Variants in WDPCP observed in about 807,000 individuals in gnomAD.
WDPCP encodes WD repeat-containing and planar cell polarity effector protein fritz homolog.
Under a neutral mutation model 93.1 loss-of-function variants are expected in WDPCP, and 71 were observed. That is an observed-to-expected ratio of 0.76 (90% confidence interval 0.63 to 0.93). The LOEUF (loss-of-function observed/expected upper bound fraction) is 0.93. Among genes scored for constraint, WDPCP ranks in the 40% least tolerant of loss-of-function variants. The pLI is 0.00. For synonymous variants in WDPCP, 315 were observed against 315.0 expected (o/e 1.00, Z 0.00); for missense variants, 844 against 887.4 (o/e 0.95, Z 0.62).
chr2:63,467,196 C>G (rs1438733441), intron 6 of WDPCP, among the ~76,000 whole-genome samples: 2 of 152,110 alleles, frequency 1.3e-5, no homozygotes, highest in Non-Finnish European at 2.9e-5. Flanking sequence ...AAAATTTTGT[C>G]CAAGGTCCAG....
rs1214552174 is a variant in WDPCP, at chr2:63,723,754, A to C, written n.309-72916T>G. Among the ~76,000 whole-genome samples the C allele has an allele frequency of 3.9e-5, 6 of 152,246 alleles. No homozygotes were observed. In the East Asian group the frequency reaches 1.2e-3, roughly 29 times the overall value. On this transcript the variant is annotated intron_variant and non_coding_transcript_variant, in intron 2 of 4. Transcript: ENST00000467687. ...TCTTAGCACATCTCCAAGAAAGCTG[A>C]GGCAACATGGATTATAAATCCTTAT... is the stretch of plus-strand genomic sequence containing the variant.
At chr2:63,744,445 A>G (rs1392317427) in intron 2 of WDPCP, among the ~76,000 whole-genome samples, 1 of 152,154 alleles carries the variant, frequency 6.6e-6, no homozygotes, top group Non-Finnish European at 1.5e-5. Context: ...CAGTTAATTG[A>G]TAAGCTTCTT....
At chr2:63,753,602 G>A (rs556957179) in intron 2 of WDPCP, among the ~76,000 whole-genome samples, 14 of 152,280 alleles carry the variant, frequency 9.2e-5, no homozygotes, top group Admixed American at 7.2e-4. Flanking sequence ...CACTTCACAT[G>A]GCCATAGCAG....
chr2:63,683,209 C>T lies in WDPCP; in HGVS notation n.309-32371G>A, dbSNP rs368124685. ...AGAAGACCACAAAACAACCAGAAAACAAATAGCAAAATGTCAGAAGCAAGT... is the reference window on the plus strand; with the variant it reads ...AGAAGACCACAAAACAACCAGAAAATAAATAGCAAAATGTCAGAAGCAAGT... On this transcript the variant is annotated intron_variant and non_coding_transcript_variant, in intron 2 of 4. Coordinates refer to the WDPCP transcript ENST00000467687. 1.2e-4 allele frequency among the ~76,000 whole-genome samples: 18 copies of T among 152,060 alleles called. 1 individual carries two copies. The South Asian group carries it at 3.7e-3, about 32-fold the overall frequency.
intron 14 of WDPCP, among the ~76,000 whole-genome samples, chr2:63,186,827 G>A (rs200840144): frequency 1.1e-5 from 1 of 88,612 alleles, no homozygotes; most frequent in Admixed American, 1.1e-4. Context: ...TTTTTTTTTT[G>A]CTTCCAAATA....
chr2:63,422,649 T>C (rs944619338), intron 9 of WDPCP, among the ~76,000 whole-genome samples: 2 of 152,170 alleles, frequency 1.3e-5, no homozygotes, highest in Non-Finnish European at 2.9e-5. Context: ...GATCTAGGCA[T>C]TGAACATTGA....
intron 3 of WDPCP, among the ~76,000 whole-genome samples, chr2:63,640,869 G>A (rs116500370): frequency 3.3e-5 from 5 of 151,860 alleles, no homozygotes; most frequent in Non-Finnish European, 7.4e-5. Flanking sequence ...AATTATTATC[G>A]ACTATAGTCA....
intron 14 of WDPCP, among the ~76,000 whole-genome samples, chr2:63,205,612 AT>A (rs1450211441): frequency 6.6e-5 from 10 of 152,206 alleles, no homozygotes; most frequent in African/African-American, 2.2e-4. Flanking sequence ...TACTTTTTAA[AT>A]TTCTTCTTCA....
intron 1 of WDPCP, among the ~76,000 whole-genome samples, chr2:63,584,539 C>T (rs1475971306): frequency 6.6e-6 from 1 of 151,182 alleles, no homozygotes; most frequent in Non-Finnish European, 1.5e-5. Context: ...TCAATGAATC[C>T]ATGTTGGTGT....
intron 2 of WDPCP, among the ~76,000 whole-genome samples, chr2:63,809,756 C>T (rs1431046175): frequency 6.6e-6 from 1 of 151,898 alleles, no homozygotes; most frequent in Admixed American, 6.6e-5. Context: ...TCTCAAGGAC[C>T]CAGGGACACA....
rs1023452719 is a variant in WDPCP at position 63,503,921 on chromosome 2, A to C, written c.76-10981T>G. On this transcript the variant is annotated intron_variant, in intron 1 of 17. Transcript: ENST00000272321. ...TGAGCTCAAATGAAAAAAAAAAAAA[A>C]CAGAAATCCTTTATCTACAAATAGA... Among the ~76,000 whole-genome samples, 40 of 147,174 alleles carry C rather than the reference A, an allele frequency of 2.7e-4. 1 individual carries two copies. In the South Asian group the frequency reaches 5.9e-3, roughly 22 times the overall value.
Position 63,722,659 on chromosome 2 carries a change from G to GT in WDPCP, n.309-71822_309-71821insA, listed in dbSNP as rs1439438364. Among the ~76,000 whole-genome samples, 155 of 129,256 alleles carry GT rather than the reference G, an allele frequency of 1.2e-3. 11 individuals are homozygous for GT. Among genetic ancestry groups the GT allele is most frequent in the Non-Finnish European group, 2.3e-3 (132 of 58,310 alleles). The allele number at this position is 129,256 out of a possible 152,430, so 84.8% of individuals were successfully genotyped here. On this transcript the variant is annotated intron_variant and non_coding_transcript_variant, in intron 2 of 4. Coordinates refer to the WDPCP transcript ENST00000467687. ...AGCCGCCCCGTCCGGGAGGGAGGTG[G>GT]GGGGGGGTCAGCCCCCCGCCCGGCC...
At chr2:63,769,150 G>A (rs1460025202) in intron 2 of WDPCP, among the ~76,000 whole-genome samples, 1 of 151,898 alleles carries the variant, frequency 6.6e-6, no homozygotes, top group East Asian at 1.9e-4. Context: ...ACAACTGTAG[G>A]CTTTCTTATT....
chr2:63,267,796 A>G (rs2699389), intron 13 of WDPCP, among the ~76,000 whole-genome samples: 123,459 of 152,094 alleles, frequency 0.81, 50,846 homozygotes, highest in East Asian at 0.96. Context: ...CTGTTAGAAT[A>G]GCTACTAATG....
At chr2:63,358,038 T>C (rs945386164) in intron 12 of WDPCP, among the ~76,000 whole-genome samples, 5 of 152,186 alleles carry the variant, frequency 3.3e-5, no homozygotes, top group African/African-American at 1.2e-4. Flanking sequence ...TTCTCACTTA[T>C]AAGTGGGAGC....
chr2:63,454,529 A>AT (rs2105688035), intron 6 of WDPCP, among the ~76,000 whole-genome samples: 1 of 152,134 alleles, frequency 6.6e-6, no homozygotes, highest in African/African-American at 2.4e-5. Context: ...AAAAAAATAA[A>AT]AAAATAAAGA....
chr2:63,314,763 T>TA (rs925523168), intron 12 of WDPCP, among the ~76,000 whole-genome samples: 1 of 151,390 alleles, frequency 6.6e-6, no homozygotes, highest in African/African-American at 2.4e-5. Flanking sequence ...ATCAGTGGCT[T>TA]ACAAATCTAC....
intron 17 of WDPCP, among the ~76,000 whole-genome samples, chr2:63,139,660 T>A (rs1670913223): frequency 6.6e-6 from 1 of 152,216 alleles, no homozygotes. Context: ...CACTTTTTTA[T>A]GGGATTGTTT....
intron 1 of WDPCP, among the ~76,000 whole-genome samples, chr2:63,529,738 T>C (rs773490603): frequency 6.6e-6 from 1 of 152,084 alleles, no homozygotes. Flanking sequence ...ATAAAATGAG[T>C]TAGGGATTGA....
Sources: gnomAD v4.1 joint callset for allele counts (sites outside exome capture counted in the v4.1 genomes callset) on GRCh38, gnomAD v4.1.1 for gene constraint, MANE v1.5 for transcripts, NCBI Gene and HGNC (gene_info 2026-07-23, HGNC 2026-07-21) for gene names.